Variants in TMEM132D observed in about 807,000 individuals in gnomAD.
TMEM132D encodes the protein transmembrane protein 132D.
TMEM132D carries 21 observed loss-of-function variants against 62.3 expected under a neutral mutation model. That is an observed-to-expected ratio of 0.34 (90% CI 0.24 to 0.49). The LOEUF (loss-of-function observed/expected upper bound fraction) is 0.49, where lower values mean the gene tolerates loss of function less well. TMEM132D is among the 20% of genes least tolerant of loss of function. The pLI is 0.99. For missense variants in TMEM132D, 1,346 were observed against 1,402.8 expected (o/e 0.96, Z 0.65); for synonymous variants, 621 against 575.6 (o/e 1.08, Z -1.13).
intron 4 of TMEM132D, among the ~76,000 whole-genome samples, chr12:129,221,264 C>T (rs1879338700): frequency 6.6e-6 from 1 of 152,202 alleles, no homozygotes; most frequent in Non-Finnish European, 1.5e-5. Context: ...CCTCCATTAG[C>T]CTGGTTACCT....
At chr12:129,605,377 C>A (rs1293980503) in intron 2 of TMEM132D, among the ~76,000 whole-genome samples, 1 of 151,760 alleles carries the variant, frequency 6.6e-6, no homozygotes, top group Non-Finnish European at 1.5e-5. Flanking sequence ...TGGAGAACAC[C>A]CATGCACCCT....
At chr12:129,493,026 C>G (rs1237292764) in intron 3 of TMEM132D, among the ~76,000 whole-genome samples, 1 of 152,142 alleles carries the variant, frequency 6.6e-6, no homozygotes, top group Non-Finnish European at 1.5e-5. Context: ...ATTCTCAGCT[C>G]GGAAATAGGG....
At chr12:129,566,853 T>C (rs1877380828) in intron 2 of TMEM132D, among the ~76,000 whole-genome samples, 1 of 152,222 alleles carries the variant, frequency 6.6e-6, no homozygotes, top group Non-Finnish European at 1.5e-5. Context: ...ACTCACACAT[T>C]CCTGTCTATG....
chr12:129,330,932 C>T (rs1476128894), intron 4 of TMEM132D, among the ~76,000 whole-genome samples: 1 of 152,132 alleles, frequency 6.6e-6, no homozygotes, highest in African/African-American at 2.4e-5. Flanking sequence ...GGGTATGGCT[C>T]CTACTTAAGA....
chr12:129,747,851 GACACAC>G (rs539892119), intron 1 of TMEM132D, among the ~76,000 whole-genome samples: 1 of 86,270 alleles, frequency 1.2e-5, no homozygotes, highest in Non-Finnish European at 2.8e-5. Flanking sequence ...GACACACACA[GACACAC>G]ACACACACGA....
chr12:129,714,764 A>T (rs1445166447), intron 1 of TMEM132D, among the ~76,000 whole-genome samples: 1 of 152,222 alleles, frequency 6.6e-6, no homozygotes, highest in African/African-American at 2.4e-5. Flanking sequence ...AAATGAATGG[A>T]TAAAGGAAAA....
rs1303892006 is a variant in TMEM132D at position 129,794,088 on chromosome 12, CT to C, written c.80-93391del. On this transcript the variant is annotated intron_variant, in intron 1 of 8. Coordinates refer to ENST00000422113, the MANE Select transcript of TMEM132D (RefSeq NM_133448.3). ...TTTAAGTGTATGGGTTTTTTTTTTT[CT>C]TTTTTTTAATTTTTTTTGAGATGGA... Among the ~76,000 whole-genome samples the C allele has an allele frequency of 2.3e-5, 3 of 128,274 alleles. No homozygotes were observed. In the East Asian group the frequency reaches 7.0e-4, roughly 30 times the overall value. The allele number at this position is 128,274 out of a possible 152,430, so 84.2% of individuals were successfully genotyped here.
At chr12:129,861,218 A>G (rs1566011637) in intron 1 of TMEM132D, among the ~76,000 whole-genome samples, 2 of 152,186 alleles carry the variant, frequency 1.3e-5, no homozygotes, top group Non-Finnish European at 1.5e-5. Context: ...TTAGAAATAG[A>G]TAACTTTGAG....
In TMEM132D at chr12:129,082,003, T is replaced by A; in HGVS notation, c.1679A>T (p.Asp560Val). The A allele has an allele frequency of 6.2e-7, 1 of 1,610,938 alleles. No individual in the cohort carries two copies. The highest frequency in any genetic ancestry group is 2.2e-5 in the East Asian group (1 of 44,758). Reference sequence around the variant, plus strand: ...GCAGCCGCGGCCCCTCCGCTCATCATCCTCCTCCTCTTCACTGTCCCCGGC... The same window carrying A: ...GCAGCCGCGGCCCCTCCGCTCATCAACCTCCTCCTCTTCACTGTCCCCGGC... ...RPAGDSEEEE[D>V]DERRGRGCTL... Residue 560 changes from aspartate (D) to valine (V), a missense_variant, in exon 7 of 9, where the codon GAT becomes GTT. Physicochemically the swap from Asp to Val is radical, Grantham distance 152 (BLOSUM62 -3). Transcript: ENST00000422113.
chr12:129,318,435 G>C (rs1210117124), intron 4 of TMEM132D, among the ~76,000 whole-genome samples: 1 of 152,176 alleles, frequency 6.6e-6, no homozygotes, highest in African/African-American at 2.4e-5. Context: ...GCCACCCAGT[G>C]AGTCTACCTG....
At chr12:129,434,881 AC>A (rs1872748660) in intron 3 of TMEM132D, among the ~76,000 whole-genome samples, 1 of 151,924 alleles carries the variant, frequency 6.6e-6, no homozygotes, top group Non-Finnish European at 1.5e-5. Context: ...TAACTATATC[AC>A]CCTACAGTGC....
chr12:129,665,203 G>A (rs1593111577), intron 2 of TMEM132D, among the ~76,000 whole-genome samples: 1 of 151,994 alleles, frequency 6.6e-6, no homozygotes, highest in Non-Finnish European at 1.5e-5. Flanking sequence ...CAGGTGGGGG[G>A]GGCATCTTGG....
intron 2 of TMEM132D, among the ~76,000 whole-genome samples, chr12:129,624,394 G>A (rs1021882823): frequency 1.4e-4 from 22 of 152,330 alleles, no homozygotes; most frequent in Middle Eastern, 3.4e-3. Flanking sequence ...AGACTTTTAT[G>A]AAGAGCCAAT....
At chr12:129,228,515 C>T (rs564755482) in intron 4 of TMEM132D, among the ~76,000 whole-genome samples, 1 of 152,110 alleles carries the variant, frequency 6.6e-6, no homozygotes, top group African/African-American at 2.4e-5. Context: ...TTCCCCACCC[C>T]TCACTACCAC....
chr12:129,487,045 G>A (rs562422861), intron 3 of TMEM132D, among the ~76,000 whole-genome samples: 1 of 150,980 alleles, frequency 6.6e-6, no homozygotes, highest in Non-Finnish European at 1.5e-5. Context: ...GGGGGGGGTT[G>A]TGGGTGTAGC....
At chr12:129,692,953 T>C (rs1431931278) in intron 2 of TMEM132D, among the ~76,000 whole-genome samples, 2 of 152,124 alleles carry the variant, frequency 1.3e-5, no homozygotes, top group East Asian at 3.8e-4. Context: ...TTAACCTATG[T>C]AACAAACCTG....
At chr12:129,142,812 C>G (rs1876781432) in intron 5 of TMEM132D, among the ~76,000 whole-genome samples, 1 of 152,042 alleles carries the variant, frequency 6.6e-6, no homozygotes, top group African/African-American at 2.4e-5. Flanking sequence ...CAGGCAGGCC[C>G]CTTTTGGTGG....
At chr12:129,302,593 A>G (rs2135628590) in intron 4 of TMEM132D, among the ~76,000 whole-genome samples, 1 of 152,336 alleles carries the variant, frequency 6.6e-6, no homozygotes, top group East Asian at 1.9e-4. Context: ...AGTGGGCCTT[A>G]GTTCCAGCTT....
At chr12:129,325,985 C>T (rs3850004) in intron 4 of TMEM132D, among the ~76,000 whole-genome samples, 5,082 of 152,242 alleles carry the variant, frequency 0.033, 261 homozygotes, top group East Asian at 0.25. Context: ...ATCATGAGTG[C>T]TGGAGGCCCC....
Sources: gnomAD v4.1 joint callset for allele counts (sites outside exome capture counted in the v4.1 genomes callset) on GRCh38, gnomAD v4.1.1 for gene constraint, MANE v1.5 for transcripts, NCBI Gene and HGNC (gene_info 2026-07-23, HGNC 2026-07-21) for gene names.